ARMC9: variants seen among roughly 807,000 people sequenced by gnomAD.
ARMC9 encodes lisH domain-containing protein ARMC9.
A neutral mutation model predicts 107.0 loss-of-function variants in ARMC9; 94 were observed. The ratio of observed to expected loss-of-function variants is 0.88; its 90% CI spans 0.74 to 1.04. The LOEUF (loss-of-function observed/expected upper bound fraction) is 1.04, where lower values mean the gene tolerates loss of function less well. Among genes scored for constraint, ARMC9 ranks in the 50% least tolerant of loss-of-function variants. ARMC9 has a pLI of 0.00. For synonymous variants in ARMC9, 380 were observed against 396.9 expected (o/e 0.96, Z 0.51); for missense variants, 942 against 1,030.1 (o/e 0.91, Z 1.17).
intron 9 of ARMC9, chr2:231,256,078 C>T: frequency 1.3e-6 from 2 of 1,541,948 alleles, no homozygotes; most frequent in South Asian, 2.4e-5. Context: ...CTCCGCCAGA[C>T]CGCCGCCGCG....
chr2:231,369,934 G>A lies in ARMC9; in HGVS notation c.2262-19G>A, dbSNP rs1361952019. The A allele has an allele frequency of 6.8e-7, 1 of 1,468,358 alleles. No individual in the cohort carries two copies. The highest frequency in any genetic ancestry group is 2.2e-5 in the Admixed American group (1 of 45,118). The allele number at this position is 1,468,358 out of a possible 1,614,324, so 91.0% of individuals were successfully genotyped here. ...AATGCTGTAGTAGCTGGGACTCCAG[G>A]TTGCACGTTTTGTTCTAGGGAATGT... On this transcript the variant is annotated intron_variant, in intron 23 of 24. Coordinates refer to ENST00000611582, the MANE Select transcript of ARMC9 (RefSeq NM_001352754.2).
At chr2:231,243,735 G>A (rs890388767) in intron 9 of ARMC9, among the ~76,000 whole-genome samples, 1 of 152,132 alleles carries the variant, frequency 6.6e-6, no homozygotes, top group African/African-American at 2.4e-5. Flanking sequence ...AGCGTATGGG[G>A]GGTCATTGTC....
intron 6 of ARMC9, among the ~76,000 whole-genome samples, chr2:231,223,728 A>T (rs1196066931): frequency 6.6e-6 from 1 of 152,098 alleles, no homozygotes; most frequent in African/African-American, 2.4e-5. Context: ...GAGCTTCCTA[A>T]GCCTTCCCTG....
Position 231,282,117 on chromosome 2 carries a change from A to G in ARMC9, c.1610A>G (p.Glu537Gly). Reference protein sequence around the residue: ...YSILSVPSIREEARAMGMEDI... With the variant: ...YSILSVPSIRGEARAMGMEDI... ...ATCCTTTCTGTTCCATCCATTCGTG[A>G]GGAAGCAAGAGCAATGGTAAGAAAG... Residue 537 changes from glutamate (E) to glycine (G), a missense_variant, in exon 17 of 25, where the codon GAG becomes GGG. By Grantham distance (98) the Glu-to-Gly change is moderately conservative. Transcript: ENST00000611582. 3.1e-6 allele frequency: 5 copies of G among 1,614,166 alleles called. No homozygotes were observed. Among genetic ancestry groups the G allele is most frequent in the Non-Finnish European group, 4.2e-6 (5 of 1,180,000 alleles).
intron 16 of ARMC9, among the ~76,000 whole-genome samples, chr2:231,280,540 C>CT (rs1198195417): frequency 2.0e-5 from 3 of 152,028 alleles, no homozygotes; most frequent in African/African-American, 7.3e-5. Flanking sequence ...TACATACATA[C>CT]ATATATACTT....
chr2:231,236,662 C>T lies in ARMC9; in HGVS notation c.780+1281C>T, dbSNP rs1055158160. On this transcript the variant is annotated intron_variant, in intron 8 of 24. Coordinates refer to ENST00000611582, the MANE Select transcript of ARMC9 (RefSeq NM_001352754.2). The stretch of plus-strand genomic sequence containing the variant: ...ATATACAATTAAAAATAAAATTAGC[C>T]AGGCATGGTGTCTCACACCTGTAAT... Among the ~76,000 whole-genome samples, 10 of 152,258 alleles carry T rather than the reference C, an allele frequency of 6.6e-5. No individual in the cohort carries two copies. The South Asian group carries it at 1.0e-3, about 16-fold the overall frequency.
intron 5 of ARMC9, among the ~76,000 whole-genome samples, chr2:231,221,452 A>G (rs1340526549): frequency 6.6e-6 from 1 of 152,164 alleles, no homozygotes; most frequent in Non-Finnish European, 1.5e-5. Flanking sequence ...TTTTGAGGGA[A>G]CACAGTTCAA....
chr2:231,339,763 C>T (rs1228028462), intron 20 of ARMC9, among the ~76,000 whole-genome samples: 1 of 152,244 alleles, frequency 6.6e-6, no homozygotes, highest in Non-Finnish European at 1.5e-5. Flanking sequence ...GAAACCGTAT[C>T]TCTACTTAAA....
chr2:231,253,492 A>G (rs2125398626), intron 9 of ARMC9, among the ~76,000 whole-genome samples: 1 of 152,158 alleles, frequency 6.6e-6, no homozygotes, highest in South Asian at 2.1e-4. Flanking sequence ...GGTTGCAGTG[A>G]GCTGAGGTCA....
chr2:231,301,337 T>C (rs999456786), intron 19 of ARMC9, among the ~76,000 whole-genome samples: 1 of 152,194 alleles, frequency 6.6e-6, no homozygotes, highest in Non-Finnish European at 1.5e-5. Flanking sequence ...TACCAGGGCT[T>C]TTATTTATAT....
chr2:231,359,760 CTAGACCCAGATCCAGG>C (rs1265788039), intron 22 of ARMC9, among the ~76,000 whole-genome samples: 6 of 152,238 alleles, frequency 3.9e-5, no homozygotes, highest in African/African-American at 1.4e-4. Context: ...AGCTCTATTT[CTAGACCCAGATCCAGG>C]TGGAGACCGC....
chr2:231,333,995 G>A (rs1204290209), intron 20 of ARMC9, among the ~76,000 whole-genome samples: 3 of 152,224 alleles, frequency 2.0e-5, no homozygotes, highest in Non-Finnish European at 2.9e-5. Flanking sequence ...TTGGTGAGGC[G>A]CAAAGGCACA....
chr2:231,223,468 A>G (rs1313170845), intron 6 of ARMC9, among the ~76,000 whole-genome samples: 1 of 152,194 alleles, frequency 6.6e-6, no homozygotes, highest in Non-Finnish European at 1.5e-5. Flanking sequence ...CTAATTTCCC[A>G]AAGGTTATTA....
chr2:231,305,999 A>T (rs770433976), intron 19 of ARMC9, among the ~76,000 whole-genome samples: 1 of 152,244 alleles, frequency 6.6e-6, no homozygotes, highest in Non-Finnish European at 1.5e-5. Flanking sequence ...AACTTAACTG[A>T]CGTTTACACT....
chr2:231,247,217 A>T (rs1364669337), intron 9 of ARMC9, among the ~76,000 whole-genome samples: 1 of 152,196 alleles, frequency 6.6e-6, no homozygotes, highest in South Asian at 2.1e-4. Flanking sequence ...GGCCTCCCAA[A>T]GTGCTGGGAT....
At chr2:231,202,383 C>T (rs371569434) in intron 1 of ARMC9, among the ~76,000 whole-genome samples, 4 of 145,424 alleles carry the variant, frequency 2.8e-5, no homozygotes, top group East Asian at 2.0e-4. Context: ...AGTGCCATGG[C>T]GTGATCCCGG....
At position 231,344,979 on chromosome 2, in the gene ARMC9, T is replaced by A. The variant is rs1417004535; in HGVS notation, c.1883T>A (p.Met628Lys). 3 of 1,613,904 alleles carry A rather than the reference T, an allele frequency of 1.9e-6. No individual in the cohort carries two copies. Among genetic ancestry groups the A allele is most frequent in the Non-Finnish European group, 2.5e-6 (3 of 1,179,984 alleles). ...TTTTCTCTTTCCTTCCACCAGATCA[T>A]GACCAACACGGGGAAGACAAGGCGG... ...KLLTTEYLGIMTNTGKTRRKG... is the reference protein window; with the variant it reads ...KLLTTEYLGIKTNTGKTRRKG... Residue 628 changes from methionine (M) to lysine (K), a missense_variant, in exon 21 of 25, where the codon ATG becomes AAG. Coordinates refer to ENST00000611582, the MANE Select transcript of ARMC9 (RefSeq NM_001352754.2).
At chr2:231,320,605 A>G (rs904492640) in intron 19 of ARMC9, among the ~76,000 whole-genome samples, 2 of 151,166 alleles carry the variant, frequency 1.3e-5, no homozygotes, top group Admixed American at 1.3e-4. Flanking sequence ...TTTCTTCCGT[A>G]TAGTGTCCAC....
intron 8 of ARMC9, among the ~76,000 whole-genome samples, chr2:231,238,649 G>A (rs905888365): frequency 6.6e-6 from 1 of 152,200 alleles, no homozygotes; most frequent in African/African-American, 2.4e-5. Context: ...CACTATGCCA[G>A]GCCTGAAAAA....
Sources: gnomAD v4.1 joint callset for allele counts (sites outside exome capture counted in the v4.1 genomes callset) on GRCh38, gnomAD v4.1.1 for gene constraint, MANE v1.5 for transcripts, NCBI Gene and HGNC (gene_info 2026-07-23, HGNC 2026-07-21) for gene names.